WDR20: variants seen among roughly 807,000 people sequenced by gnomAD.
WDR20 encodes WD repeat domain 20.
In WDR20, 3 loss-of-function variants were observed where a neutral mutation model predicts 38.7. The observed-to-expected ratio is 0.08, with a 90% confidence interval of 0.04 to 0.20. WDR20 has a LOEUF of 0.20. Ranked by LOEUF, WDR20 falls within the 10% of genes least tolerant of loss-of-function variation. The probability of loss-of-function intolerance (pLI) is 1.00; values close to 1 mark genes in which losing one functional copy is unlikely to be tolerated. For synonymous variants in WDR20, 298 were observed against 285.6 expected (o/e 1.04, Z -0.44); for missense variants, 559 against 727.7 (o/e 0.77, Z 2.67).
At position 102,160,947 on chromosome 14, in the gene WDR20, C is replaced by CAA. The variant is rs57488628; in HGVS notation, c.249+20794_249+20795dup. On this transcript the variant is annotated intron_variant, in intron 1 of 2. Coordinates refer to ENST00000342702, the MANE Select transcript of WDR20 (RefSeq NM_144574.4). ...TGGGTGACAGGGCAAGACTCTGTCT[C>CAA]AAAAAAAAAAAAAAAAAAAAGAATA... Among the ~76,000 whole-genome samples, 179 of 54,526 alleles carry CAA rather than the reference C, an allele frequency of 3.3e-3. 7 individuals carry two copies. The highest frequency in any genetic ancestry group is 0.011 in the East Asian group (20 of 1,834). 35.8% of individuals were successfully genotyped at this position (54,526 alleles called of 152,430 possible).
chr14:102,157,475 T>C (rs1412199216), intron 1 of WDR20, among the ~76,000 whole-genome samples: 1 of 152,162 alleles, frequency 6.6e-6, no homozygotes, highest in Non-Finnish European at 1.5e-5. Context: ...AATTCTAAGC[T>C]GGCCATGCTT....
intron 2 of WDR20, among the ~76,000 whole-genome samples, chr14:102,203,399 C>A (rs1000677754): frequency 6.6e-6 from 1 of 151,988 alleles, no homozygotes; most frequent in Non-Finnish European, 1.5e-5. Context: ...ATTTTTAGAA[C>A]CCTGTGTGTG....
upstream of WDR20, chr14:102,139,566 G>T: frequency 1.3e-6 from 1 of 774,506 alleles, no homozygotes; most frequent in Non-Finnish European, 2.0e-6. Context: ...CACCAGCCCC[G>T]CCGCGGTTCC....
intron 2 of WDR20, among the ~76,000 whole-genome samples, chr14:102,202,456 T>C (rs888840133): frequency 1.4e-5 from 2 of 138,554 alleles, no homozygotes; most frequent in African/African-American, 5.4e-5. Flanking sequence ...CTCGGCTCAC[T>C]GCAAACCTCT....
At chr14:102,214,245 C>A, downstream of WDR20, 9 of 968,808 alleles carry the variant, frequency 9.3e-6, no homozygotes, top group Non-Finnish European at 1.1e-5. Context: ...GCCTGCAGGG[C>A]CCCCCCTTGT....
At chr14:102,217,733 T>C (rs1220637188), downstream of WDR20, among the ~76,000 whole-genome samples, 2 of 152,346 alleles carry the variant, frequency 1.3e-5, no homozygotes, top group East Asian at 3.9e-4. Context: ...TCTGTTGTGG[T>C]CTGTGTAGTG....
Position 102,222,989 on chromosome 14 carries a change from G to A in WDR20, c.*106G>A, listed in dbSNP as rs374969984. ...CCGTGCCAGCCGGCGGACCTCAGGC[G>A]GTGGACGTCGGCGATAGCCGTGTGG... On this transcript the variant is annotated 3_prime_UTR_variant, in exon 4 of 4. Coordinates refer to the WDR20 transcript ENST00000335263. The surrounding 1 kb of genome is among the most constrained non-coding windows in gnomAD (Gnocchi z 4.4). 107 of 1,377,444 alleles carry A rather than the reference G, an allele frequency of 7.8e-5. No homozygotes were observed. The highest frequency in any genetic ancestry group is 8.2e-5 in the Non-Finnish European group (80 of 976,762). 85.3% of individuals were successfully genotyped at this position (1,377,444 alleles called of 1,614,324 possible). A position where few individuals can be genotyped will look rare whatever the true frequency, so the allele number is the denominator to read the frequency against.
chr14:102,158,610 A>G (rs1287349293), intron 1 of WDR20, among the ~76,000 whole-genome samples: 1 of 152,130 alleles, frequency 6.6e-6, no homozygotes, highest in Non-Finnish European at 1.5e-5. Context: ...TGACAATTTT[A>G]CAACTTTGTC....
downstream of WDR20, among the ~76,000 whole-genome samples, chr14:102,217,539 C>G (rs2063363115): frequency 6.6e-6 from 1 of 152,216 alleles, no homozygotes; most frequent in African/African-American, 2.4e-5. Flanking sequence ...CACTGCCCAG[C>G]TATAACTGAG....
chr14:102,224,362 G>A (rs887916000), downstream of WDR20: 13 of 345,554 alleles, frequency 3.8e-5, no homozygotes, highest in Non-Finnish European at 7.3e-5. Flanking sequence ...TTTCTTACTT[G>A]GTTGAAACCA....
At chr14:102,212,261 G>A (rs2062639893), downstream of WDR20, among the ~76,000 whole-genome samples, 1 of 152,168 alleles carries the variant, frequency 6.6e-6, no homozygotes, top group Admixed American at 6.5e-5. Flanking sequence ...TTTTCTTCCA[G>A]TTTTTGCCAA....
intron 1 of WDR20, among the ~76,000 whole-genome samples, chr14:102,183,373 C>G (rs1164955538): frequency 6.6e-6 from 1 of 152,240 alleles, no homozygotes; most frequent in Non-Finnish European, 1.5e-5. Flanking sequence ...AGTAGCTGAT[C>G]TCCATTAATG....
chr14:102,181,033 C>T (rs989100521), intron 1 of WDR20, among the ~76,000 whole-genome samples: 1 of 152,200 alleles, frequency 6.6e-6, no homozygotes, highest in Non-Finnish European at 1.5e-5. Flanking sequence ...AGGACACATT[C>T]AGCTTGAAAG....
At chr14:102,169,042 C>T (rs1302565377) in intron 1 of WDR20, among the ~76,000 whole-genome samples, 1 of 152,184 alleles carries the variant, frequency 6.6e-6, no homozygotes, top group Non-Finnish European at 1.5e-5. Flanking sequence ...TGATACAGTG[C>T]TTTTCCCCTC....
rs1034839693 is a variant in WDR20, at chr14:102,157,105, A to G, written c.249+16933A>G. On this transcript the variant is annotated intron_variant, in intron 1 of 2. Coordinates refer to ENST00000342702, the MANE Select transcript of WDR20 (RefSeq NM_144574.4). Reference sequence around the variant, plus strand: ...TGTGAGACCCCCATCTCTGCAAAAAATTTTTAAAAATTATCGGGCATTGTG... The same window carrying G: ...TGTGAGACCCCCATCTCTGCAAAAAGTTTTTAAAAATTATCGGGCATTGTG... Among the ~76,000 whole-genome samples, 3 of 151,948 alleles carry G rather than the reference A, an allele frequency of 2.0e-5. No individual in the cohort carries two copies. The East Asian group carries it at 5.8e-4, about 29-fold the overall frequency.
intron 1 of WDR20, among the ~76,000 whole-genome samples, chr14:102,170,019 C>G (rs2060500641): frequency 6.6e-6 from 1 of 152,162 alleles, no homozygotes; most frequent in Admixed American, 6.5e-5. Flanking sequence ...GTATTAAGTT[C>G]TTGTATGTAT....
intron 1 of WDR20, among the ~76,000 whole-genome samples, chr14:102,175,889 G>GGCTGGA (rs1169172422): frequency 6.6e-6 from 1 of 152,106 alleles, no homozygotes; most frequent in Non-Finnish European, 1.5e-5. Flanking sequence ...ACTAACTTGT[G>GGCTGGA]TACATTGATT....
At chr14:102,224,482 A>C (rs930256379), downstream of WDR20, 1 of 412,874 alleles carries the variant, frequency 2.4e-6, no homozygotes, top group Admixed American at 3.1e-5. Flanking sequence ...TTTTTTTAAA[A>C]AATCATATAC....
chr14:102,200,531 TTTGC>T (rs1432735107), intron 2 of WDR20, among the ~76,000 whole-genome samples: 1 of 150,728 alleles, frequency 6.6e-6, no homozygotes, highest in East Asian at 1.9e-4. Flanking sequence ...TGTTCTGAAG[TTTGC>T]TTTTTATAAC....
Sources: gnomAD v4.1 joint callset for allele counts (sites outside exome capture counted in the v4.1 genomes callset) on GRCh38, gnomAD v4.1.1 for gene constraint, Gnocchi (gnomAD v3.1) non-coding constraint, MANE v1.5 for transcripts, NCBI Gene and HGNC (gene_info 2026-07-23, HGNC 2026-07-21) for gene names.